JCAD: variants seen among roughly 807,000 people sequenced by gnomAD.
JCAD encodes the protein junctional cadherin 5 associated, also known as junctional cadherin 5-associated protein.
A neutral mutation model predicts 98.0 loss-of-function variants in JCAD; 40 were observed. The observed-to-expected ratio is 0.41, with a 90% CI of 0.32 to 0.53. The LOEUF (loss-of-function observed/expected upper bound fraction) is 0.53. Among genes scored for constraint, JCAD ranks in the 20% least tolerant of loss-of-function variants. The pLI, the probability that JCAD is intolerant of heterozygous loss-of-function variation, is 0.31. For synonymous variants in JCAD, 691 were observed against 682.3 expected (o/e 1.01, Z -0.20); for missense variants, 1,705 against 1,738.1 (o/e 0.98, Z 0.34).
Position 30,026,373 on chromosome 10 carries a change from G to C in JCAD, c.3775C>G (p.Leu1259Val), listed in dbSNP as rs1836797333. The change falls in exon 3 of 4, where the codon CTG (leucine) becomes GTG (valine). Residue 1259 changes from leucine to valine, a missense_variant. By Grantham distance (32) the Leu-to-Val change is conservative. Transcript: ENST00000375377. ...GAGCTCACCTCTTTCATTCTCATCA[G>C]GCGGTCAGGGTCTGCTCTCCTAGGC... ...SPPRRADPDR[L>V]MRMKEVSSVS... is the part of the protein sequence containing the mutation. 3.1e-6 allele frequency: 5 copies of C among 1,614,226 alleles called. No individual in the cohort carries two copies. In the East Asian group the frequency reaches 1.1e-4, roughly 36 times the overall value.
intron 1 of JCAD, among the ~76,000 whole-genome samples, chr10:30,094,313 A>G (rs1286062662): frequency 6.6e-6 from 1 of 151,868 alleles, no homozygotes; most frequent in Admixed American, 6.6e-5. Context: ...AGCCAGGCAT[A>G]GTGGTGGGTG....
chr10:30,083,327 C>G (rs1324251543), intron 1 of JCAD, among the ~76,000 whole-genome samples: 1 of 152,186 alleles, frequency 6.6e-6, no homozygotes, highest in African/African-American at 2.4e-5. Context: ...CCCCTTTATC[C>G]TTTCTACCAC....
chr10:30,066,206 T>C (rs554259535), intron 2 of JCAD, among the ~76,000 whole-genome samples: 1 of 152,300 alleles, frequency 6.6e-6, no homozygotes, highest in African/African-American at 2.4e-5. Flanking sequence ...CTTAGAAGAT[T>C]TGACGCTAAC....
intron 3 of JCAD, among the ~76,000 whole-genome samples, chr10:30,022,335 A>T (rs1836677624): frequency 6.6e-6 from 1 of 152,174 alleles, no homozygotes; most frequent in South Asian, 2.1e-4. Context: ...TAAATGGGCT[A>T]CAAATTTAGG....
chr10:30,073,886 T>G (rs1466014418), intron 1 of JCAD, among the ~76,000 whole-genome samples: 1 of 152,184 alleles, frequency 6.6e-6, no homozygotes, highest in Non-Finnish European at 1.5e-5. Flanking sequence ...TATTTAGAGC[T>G]ACTTCCATTC....
In JCAD at chr10:30,029,841, A is replaced by G; in HGVS notation, c.307T>C (p.Trp103Arg). Residue 103 changes from tryptophan (W) to arginine (R), a missense_variant, in exon 3 of 4, where the codon TGG (tryptophan) becomes CGG (arginine). Transcript: ENST00000375377. The stretch of plus-strand genomic sequence containing the variant: ...TTACCAGTCGGGGGATGAGAGGACC[A>G]TGCTGAGGGGGGTTGATTACAAAAC... ...AGFCNQPPSA[W>R]SSHPPTGNDQ... is the part of the protein sequence containing the mutation. The G allele has an allele frequency of 6.2e-7, 1 of 1,614,086 alleles. No homozygotes were observed. The highest frequency in any genetic ancestry group is 8.5e-7 in the Non-Finnish European group (1 of 1,179,986).
Position 30,098,580 on chromosome 10 carries a change from A to G in JCAD, n.128+16787T>C, listed in dbSNP as rs190756035. On this transcript the variant is annotated intron_variant and non_coding_transcript_variant, in intron 1 of 2. Coordinates refer to the JCAD transcript ENST00000465712. ...CTGATTCATTTGCTTTTGTGTCCTC[A>G]GTTCCTGGATTGTGCTCAATAAATG... Among the ~76,000 whole-genome samples, 3 of 152,316 alleles carry G rather than the reference A, an allele frequency of 2.0e-5. No homozygotes were observed. In the East Asian group the frequency reaches 5.8e-4, roughly 29 times the overall value.
chr10:30,074,786 TA>T (rs1363694766), intron 1 of JCAD, among the ~76,000 whole-genome samples: 1 of 151,902 alleles, frequency 6.6e-6, no homozygotes, highest in Non-Finnish European at 1.5e-5. Flanking sequence ...CATATTATAC[TA>T]CTGTTTTGTT....
At chr10:30,034,321 T>G (rs1174653101) in intron 2 of JCAD, among the ~76,000 whole-genome samples, 2 of 152,078 alleles carry the variant, frequency 1.3e-5, no homozygotes, top group East Asian at 3.9e-4. Context: ...CAGCAAAGCT[T>G]AGTTATGGGC....
intron 2 of JCAD, among the ~76,000 whole-genome samples, chr10:30,037,017 A>G (rs553011931): frequency 2.2e-4 from 34 of 152,304 alleles, no homozygotes; most frequent in African/African-American, 7.7e-4. Flanking sequence ...GTATCCAGAT[A>G]CAGAAACTGA....
At position 30,113,276 on chromosome 10, in the gene JCAD, T is replaced by C. The variant is rs186738123; in HGVS notation, n.128+2091A>G. On this transcript the variant is annotated intron_variant and non_coding_transcript_variant, in intron 1 of 2. Coordinates refer to the JCAD transcript ENST00000465712. ...ACGCAAAAAGCCTCCCAGAGCCGGGTGCAGTGGCTCATGCCTGTAATCCCA... is the reference window on the plus strand; with the variant it reads ...ACGCAAAAAGCCTCCCAGAGCCGGGCGCAGTGGCTCATGCCTGTAATCCCA... Among the ~76,000 whole-genome samples, 471 of 151,270 alleles carry C rather than the reference T, an allele frequency of 3.1e-3. 1 individual carries two copies. The highest frequency in any genetic ancestry group is 4.8e-3 in the Non-Finnish European group (326 of 67,738).
chr10:30,111,040 T>C (rs2132721221), intron 1 of JCAD, among the ~76,000 whole-genome samples: 1 of 151,988 alleles, frequency 6.6e-6, no homozygotes, highest in South Asian at 2.1e-4. Flanking sequence ...TATAGACCCC[T>C]GATGTATAGA....
intron 3 of JCAD, among the ~76,000 whole-genome samples, chr10:30,025,710 G>A (rs548157001): frequency 5.3e-4 from 80 of 151,820 alleles, no homozygotes; most frequent in Non-Finnish European, 9.0e-4. Context: ...TAACATAGTG[G>A]GATCTCGTCT....
intron 2 of JCAD, among the ~76,000 whole-genome samples, chr10:30,040,739 C>CAG (rs1215078720): frequency 6.6e-6 from 1 of 152,310 alleles, no homozygotes; most frequent in African/African-American, 2.4e-5. Flanking sequence ...CATAGCTGCA[C>CAG]AGCGGCCCAC....
At chr10:30,046,474 C>G (rs1383526092) in intron 2 of JCAD, among the ~76,000 whole-genome samples, 1 of 152,114 alleles carries the variant, frequency 6.6e-6, no homozygotes, top group Non-Finnish European at 1.5e-5. Flanking sequence ...ATGAATATAC[C>G]AGAAGAAACG....
At chr10:30,098,256 C>T (rs529691823) in intron 1 of JCAD, among the ~76,000 whole-genome samples, 1 of 152,240 alleles carries the variant, frequency 6.6e-6, no homozygotes, top group Admixed American at 6.5e-5. Flanking sequence ...CTTCTGCTTC[C>T]TGAAGGTGCC....
At chr10:30,031,912 G>A (rs953022924) in intron 2 of JCAD, among the ~76,000 whole-genome samples, 2 of 150,780 alleles carry the variant, frequency 1.3e-5, no homozygotes, top group African/African-American at 2.4e-5. Context: ...CCGCCACTAC[G>A]CCCGGCTAAT....
intron 1 of JCAD, among the ~76,000 whole-genome samples, chr10:30,074,805 T>A (rs77948810): frequency 2.0e-5 from 3 of 152,020 alleles, no homozygotes; most frequent in Admixed American, 6.5e-5. Flanking sequence ...GTTTTTTTTT[T>A]AATAAGAGAC....
At chr10:30,111,349 C>T (rs568148049) in intron 1 of JCAD, among the ~76,000 whole-genome samples, 26 of 152,288 alleles carry the variant, frequency 1.7e-4, no homozygotes, top group African/African-American at 5.8e-4. Flanking sequence ...TCTCTAACTC[C>T]TGGCCTCAAG....
Sources: allele counts gnomAD v4.1 joint callset (sites outside exome capture counted in the v4.1 genomes callset), GRCh38; gene constraint gnomAD v4.1.1; transcripts MANE v1.5; gene names NCBI Gene and HGNC (gene_info 2026-07-23, HGNC 2026-07-21).